The following ZDHHC17 variants were observed in gnomAD, a reference collection of about 807,000 sequenced individuals.
The protein encoded by ZDHHC17 is zDHHC palmitoyltransferase 17.
A neutral mutation model predicts 90.3 loss-of-function variants in ZDHHC17; 40 were observed. The ratio of observed to expected loss-of-function variants is 0.44; its 90% CI spans 0.34 to 0.58. The LOEUF (loss-of-function observed/expected upper bound fraction) is 0.58. Among genes scored for constraint, ZDHHC17 ranks in the 20% least tolerant of loss-of-function variants. The pLI is 0.01. For missense variants in ZDHHC17, 614 were observed against 780.8 expected (o/e 0.79, Z 2.55); for synonymous variants, 235 against 252.4 (o/e 0.93, Z 0.65).
At chr12:76,846,465 T>C (rs1161743095) in intron 13 of ZDHHC17, 131 bp from the exon 14 acceptor site, 1 of 633,032 alleles carries the variant, frequency 1.6e-6, no homozygotes, top group African/African-American at 1.9e-5. Flanking sequence ...GAAAACCACT[T>C]TATAAAATAA....
intron 10 of ZDHHC17, among the ~76,000 whole-genome samples, chr12:76,840,757 A>C (rs942908028): frequency 6.6e-6 from 1 of 152,216 alleles, no homozygotes; most frequent in Non-Finnish European, 1.5e-5. Context: ...AGACATTTTT[A>C]AAGTTCATTC....
rs753401285 is a variant in ZDHHC17, at chr12:76,805,369, C to T, written c.250C>T (p.Arg84Trp). 31 of 1,603,014 alleles carry T rather than the reference C, an allele frequency of 1.9e-5. No individual in the cohort carries two copies. Among genetic ancestry groups the T allele is most frequent in the East Asian group, 6.7e-5 (3 of 44,486 alleles). Residue 84 changes from arginine (R) to tryptophan (W), a missense_variant, in exon 3 of 17, where the codon CGG becomes TGG. By Grantham distance (101) the Arg-to-Trp change is moderately radical (BLOSUM62 -3). Coordinates refer to ENST00000426126, the MANE Select transcript of ZDHHC17 (RefSeq NM_015336.4). ...RELVEAGYDVRQPDKENVTLL... is the reference protein window; with the variant it reads ...RELVEAGYDVWQPDKENVTLL... ...ATTGGTGGAAGCAGGTTATGATGTA[C>T]GGCAACCGGACAAAGAAAATGTTAC... is the stretch of plus-strand genomic sequence containing the variant.
intron 7 of ZDHHC17, among the ~76,000 whole-genome samples, chr12:76,817,506 A>G (rs1296290465): frequency 5.3e-5 from 8 of 152,138 alleles, no homozygotes; most frequent in Non-Finnish European, 1.0e-4. Flanking sequence ...GTATACTGAA[A>G]TTATAGTAAT....
intron 1 of ZDHHC17, among the ~76,000 whole-genome samples, chr12:76,774,352 G>GC (rs369144051): frequency 1.2e-4 from 18 of 146,518 alleles, no homozygotes; most frequent in South Asian, 6.5e-4. Flanking sequence ...ACACACACAC[G>GC]CCCCCCCACC....
In ZDHHC17 at chr12:76,846,244, G is replaced by A. The variant is rs1207300354; in HGVS notation, c.1424-352G>A. Reference sequence around the variant, plus strand: ...GGTGACAGGAAACATTACAAAGATTGTTTACCTCTGTTGAAGAGAAACCTT... The same window carrying A: ...GGTGACAGGAAACATTACAAAGATTATTTACCTCTGTTGAAGAGAAACCTT... On this transcript the variant is annotated intron_variant, in intron 13 of 16. Coordinates refer to ENST00000426126, the MANE Select transcript of ZDHHC17 (RefSeq NM_015336.4). The A allele has an allele frequency of 1.6e-5, 4 of 255,768 alleles. No individual in the cohort carries two copies. The Admixed American group carries it at 2.0e-4, about 13-fold the overall frequency. 15.8% of individuals were successfully genotyped at this position (255,768 alleles called of 1,614,324 possible).
chr12:76,795,329 A>G (rs1952806228), intron 1 of ZDHHC17, among the ~76,000 whole-genome samples: 6 of 151,378 alleles, frequency 4.0e-5, no homozygotes, highest in Admixed American at 3.9e-4. Flanking sequence ...GTTTTTTGAC[A>G]ACCTCTTTAA....
intron 7 of ZDHHC17, 116 bp from the exon 8 acceptor site, chr12:76,822,290 A>G (rs1953172735): frequency 3.7e-6 from 5 of 1,334,478 alleles, no homozygotes; most frequent in Non-Finnish European, 5.1e-6. Context: ...AATTTACACA[A>G]TGTCAAAACA....
chr12:76,847,608 C>T (rs932919705), intron 14 of ZDHHC17, among the ~76,000 whole-genome samples: 1 of 152,160 alleles, frequency 6.6e-6, no homozygotes, highest in Non-Finnish European at 1.5e-5. Context: ...AATCCCAAAA[C>T]TTTGGGAGGC....
At chr12:76,764,375 C>A (rs1293081208) in intron 1 of ZDHHC17, 46 bp downstream of exon 1, 1 of 1,518,322 alleles carries the variant, frequency 6.6e-7, no homozygotes, top group Non-Finnish European at 8.9e-7. Context: ...GGCCCTCCAG[C>A]CTTTCTTCCC....
At chr12:76,783,513 A>G (rs922838907) in intron 1 of ZDHHC17, among the ~76,000 whole-genome samples, 58 of 152,340 alleles carry the variant, frequency 3.8e-4, no homozygotes, top group African/African-American at 1.4e-3. Flanking sequence ...CCCATGATCA[A>G]TCACCTCCCA....
intron 3 of ZDHHC17, among the ~76,000 whole-genome samples, chr12:76,807,004 G>C (rs896312588): frequency 1.3e-5 from 2 of 152,180 alleles, no homozygotes; most frequent in Non-Finnish European, 2.9e-5. Flanking sequence ...TGCACTAAAC[G>C]TACCTCTTGG....
chr12:76,805,206 A>T (rs1171636489), intron 2 of ZDHHC17, 111 bp from the exon 3 acceptor site: 2 of 1,054,652 alleles, frequency 1.9e-6, no homozygotes, highest in East Asian at 5.5e-5. Context: ...TGAGAAATAC[A>T]TTTTAATTTC....
At chr12:76,805,171 A>G in intron 2 of ZDHHC17, 146 bp from the exon 3 acceptor site, 1 of 775,550 alleles carries the variant, frequency 1.3e-6, no homozygotes. Flanking sequence ...TGGAATGTTG[A>G]CATTTTAAAA....
At chr12:76,809,633 C>T (rs1952996400) in intron 4 of ZDHHC17, 80 bp from the exon 5 acceptor site, 1 of 1,182,244 alleles carries the variant, frequency 8.5e-7, no homozygotes, top group Non-Finnish European at 1.1e-6. Context: ...CCCACCATAC[C>T]TTACTTGAAA....
At chr12:76,794,661 G>A (rs1248685066) in intron 1 of ZDHHC17, among the ~76,000 whole-genome samples, 1 of 151,828 alleles carries the variant, frequency 6.6e-6, no homozygotes, top group Non-Finnish European at 1.5e-5. Flanking sequence ...ACTTACATAG[G>A]TTAATTTTAA....
Position 76,822,481 on chromosome 12 carries a change from G to A in ZDHHC17, c.847G>A (p.Ala283Thr). The A allele has an allele frequency of 1.9e-6, 3 of 1,612,346 alleles. No homozygotes were observed. The highest frequency in any genetic ancestry group is 2.5e-6 in the Non-Finnish European group (3 of 1,179,264). Reference sequence around the variant, plus strand: ...CAACCACTTACAAGAGGCAAGGCAAGCAAAAGGATATGACAATCCGTCCTT... The same window carrying A: ...CAACCACTTACAAGAGGCAAGGCAAACAAAAGGATATGACAATCCGTCCTT... Reference protein sequence around the residue: ...MINHLQEARQAKGYDNPSFLR... With the variant: ...MINHLQEARQTKGYDNPSFLR... The change falls in exon 8 of 17, where the codon GCA becomes ACA. Residue 283 changes from alanine (A) to threonine (T), a missense_variant. By Grantham distance (58) the Ala-to-Thr change is moderately conservative. Coordinates refer to ENST00000426126, the MANE Select transcript of ZDHHC17 (RefSeq NM_015336.4).
At chr12:76,839,764 T>C (rs1211959067) in intron 10 of ZDHHC17, among the ~76,000 whole-genome samples, 1 of 152,232 alleles carries the variant, frequency 6.6e-6, no homozygotes, top group African/African-American at 2.4e-5. Flanking sequence ...GCAGCGTTTT[T>C]TCATTACTGC....
At chr12:76,832,959 T>C (rs1434732735) in intron 10 of ZDHHC17, among the ~76,000 whole-genome samples, 1 of 152,232 alleles carries the variant, frequency 6.6e-6, no homozygotes, top group Non-Finnish European at 1.5e-5. Flanking sequence ...GCCATGAATA[T>C]TGATTTTGGT....
chr12:76,811,313 A>G (rs1299844116), intron 5 of ZDHHC17, among the ~76,000 whole-genome samples: 3 of 152,208 alleles, frequency 2.0e-5, no homozygotes, highest in East Asian at 1.9e-4. Context: ...AAATGGTGCT[A>G]TAGCACATCA....
Sources: gnomAD v4.1 joint callset for allele counts (sites outside exome capture counted in the v4.1 genomes callset) on GRCh38, gnomAD v4.1.1 for gene constraint, MANE v1.5 for transcripts, NCBI Gene and HGNC (gene_info 2026-07-23, HGNC 2026-07-21) for gene names.